Variants in KAT2B observed in about 807,000 individuals in gnomAD.
The protein encoded by KAT2B is lysine acetyltransferase 2B.
In KAT2B, 36 loss-of-function variants were observed where a neutral mutation model predicts 105.9. The ratio of observed to expected loss-of-function variants is 0.34; its 90% CI spans 0.26 to 0.45. The LOEUF (loss-of-function observed/expected upper bound fraction) is 0.45, where lower values mean the gene tolerates loss of function less well. KAT2B is among the 20% of genes least tolerant of loss of function. The probability of loss-of-function intolerance (pLI) is 1.00; values close to 1 mark genes in which losing one functional copy is unlikely to be tolerated. For synonymous variants in KAT2B, 397 were observed against 377.9 expected, an observed-to-expected ratio of 1.05 and a Z score of -0.59; for missense variants, 820 against 1,021.6, an observed-to-expected ratio of 0.80 and a Z score of 2.69.
chr3:20,097,320 C>T (rs1004834418), intron 3 of KAT2B, among the ~76,000 whole-genome samples: 2 of 152,178 alleles, frequency 1.3e-5, no homozygotes, highest in African/African-American at 4.8e-5. Flanking sequence ...CATTGCTCTG[C>T]TTTAAAGTAC....
intron 3 of KAT2B, among the ~76,000 whole-genome samples, chr3:20,099,280 G>A (rs1698866375): frequency 6.6e-6 from 1 of 152,192 alleles, no homozygotes; most frequent in Non-Finnish European, 1.5e-5. Flanking sequence ...AACAGTGAAA[G>A]TTGCCCATTT....
chr3:20,111,602 G>T lies in KAT2B; in HGVS notation c.858G>T (p.Leu286=), dbSNP rs564191256. The T allele has an allele frequency of 1.2e-6, 2 of 1,609,084 alleles. No homozygotes were observed. The highest frequency in any genetic ancestry group is 8.5e-7 in the Non-Finnish European group (1 of 1,177,662). ...TTGACTTCTCTTGTCACAGGTGGCT[G>T]TGTTACTGCAACGTGCCACAGTTCT... is the stretch of plus-strand genomic sequence containing the variant. ...SGYKENYTRW[L]CYCNVPQFCD... is the part of the protein sequence containing the mutation. Residue 286 remains leucine, a synonymous_variant, in exon 6 of 18, where the codon CTG becomes CTT. Transcript: ENST00000263754.
Position 20,153,613 on chromosome 3 carries a change from C to G in KAT2B, c.*1088C>G, listed in dbSNP as rs1261875199. ...AACCCCCTAAAATCCATCATGCAACCTTATTAATCTGTCTTGGGATTCCAG... is the reference window on the plus strand; with the variant it reads ...AACCCCCTAAAATCCATCATGCAACGTTATTAATCTGTCTTGGGATTCCAG... On this transcript the variant is annotated 3_prime_UTR_variant, in exon 18 of 18. Transcript: ENST00000263754. 1 of 152,516 alleles carries G rather than the reference C, an allele frequency of 6.6e-6. No individual in the cohort carries two copies. The highest frequency in any genetic ancestry group is 1.9e-4 in the East Asian group (1 of 5,200). The allele number at this position is 152,516 out of a possible 1,614,324, so 9.4% of individuals were successfully genotyped here. A position where few individuals can be genotyped will look rare whatever the true frequency, so the allele number is the denominator to read the frequency against.
intron 7 of KAT2B, among the ~76,000 whole-genome samples, chr3:20,117,274 T>C (rs145700702): frequency 2.0e-5 from 3 of 152,328 alleles, no homozygotes; most frequent in East Asian, 3.9e-4. Context: ...GTGTACACTT[T>C]AGTATTACCT....
rs145379527 is a variant in KAT2B at position 20,105,849 on chromosome 3, A to G, written c.851+4381A>G. On this transcript the variant is annotated intron_variant, in intron 5 of 17. Coordinates refer to ENST00000263754, the MANE Select transcript of KAT2B (RefSeq NM_003884.5). ...AGAAGAAGAAAAAGAATACATAGCA[A>G]GTTAGCTAGAACTAACTTGTTTTTG... Among the ~76,000 whole-genome samples the G allele has an allele frequency of 7.8e-4, 118 of 152,160 alleles. 2 individuals are homozygous for G. In the East Asian group the frequency reaches 0.02, roughly 26 times the overall value.
At chr3:20,131,798 A>C (rs1699515364) in intron 11 of KAT2B, among the ~76,000 whole-genome samples, 1 of 152,024 alleles carries the variant, frequency 6.6e-6, no homozygotes, top group Non-Finnish European at 1.5e-5. Context: ...TCCTGGTCTC[A>C]AGAGATCCTC....
chr3:20,139,785 GT>G (rs1434044371), intron 12 of KAT2B, among the ~76,000 whole-genome samples: 1 of 142,652 alleles, frequency 7.0e-6, no homozygotes, highest in Non-Finnish European at 1.5e-5. Context: ...GAAACATTAA[GT>G]TTCTAATCAC....
intron 1 of KAT2B, among the ~76,000 whole-genome samples, chr3:20,051,664 C>T (rs1263773361): frequency 6.6e-6 from 1 of 152,180 alleles, no homozygotes; most frequent in Non-Finnish European, 1.5e-5. Flanking sequence ...CCATTAAATG[C>T]CACCCTCTCC....
chr3:20,125,843 C>G, intron 9 of KAT2B, 62 bp from the exon 10 acceptor site: 1 of 1,335,304 alleles, frequency 7.5e-7, no homozygotes, highest in Non-Finnish European at 1.1e-6. Flanking sequence ...TTGGATGTGT[C>G]CCATCCCCAC....
chr3:20,129,736 C>T (rs1395420822), intron 11 of KAT2B, among the ~76,000 whole-genome samples: 1 of 152,166 alleles, frequency 6.6e-6, no homozygotes, highest in Non-Finnish European at 1.5e-5. Context: ...TCAATTTAGA[C>T]AAGCTGCCTT....
At chr3:20,105,152 C>G (rs1273495513) in intron 5 of KAT2B, among the ~76,000 whole-genome samples, 1 of 152,156 alleles carries the variant, frequency 6.6e-6, no homozygotes, top group African/African-American at 2.4e-5. Context: ...TCCTAAAGTG[C>G]TGGGATTAAA....
chr3:20,136,918 G>C (rs561052033), intron 11 of KAT2B, 24 bp from the exon 12 acceptor site: 2 of 1,313,662 alleles, frequency 1.5e-6, no homozygotes, highest in African/African-American at 2.9e-5. Flanking sequence ...TAATGTATTT[G>C]TTTGTATACT....
At chr3:20,067,296 C>T (rs902037264) in intron 1 of KAT2B, among the ~76,000 whole-genome samples, 1 of 152,032 alleles carries the variant, frequency 6.6e-6, no homozygotes, top group African/African-American at 2.4e-5. Context: ...CAAGTGGTTT[C>T]AACACGTGCG....
At chr3:20,047,311 A>G (rs1474034325) in intron 1 of KAT2B, among the ~76,000 whole-genome samples, 1 of 152,148 alleles carries the variant, frequency 6.6e-6, no homozygotes, top group East Asian at 1.9e-4. Flanking sequence ...GGCTCAAGCA[A>G]TTGGCCTGCC....
chr3:20,113,836 G>T (rs1699161383), intron 6 of KAT2B, among the ~76,000 whole-genome samples: 1 of 151,430 alleles, frequency 6.6e-6, no homozygotes. Context: ...GCTTTAATGT[G>T]TGCCTCTTTC....
Position 20,151,044 on chromosome 3 carries a change from T to C in KAT2B, c.2306-1288T>C, listed in dbSNP as rs566064698. ...TTTTTCTTCTTTAAATGAGAGAACA[T>C]TTTGATCTGTTCAGTCACACTTGGA... On this transcript the variant is annotated intron_variant, in intron 17 of 17. Coordinates refer to ENST00000263754, the MANE Select transcript of KAT2B (RefSeq NM_003884.5). Among the ~76,000 whole-genome samples, 17 of 152,328 alleles carry C rather than the reference T, an allele frequency of 1.1e-4. No homozygotes were observed. In the East Asian group the frequency reaches 2.9e-3, roughly 26 times the overall value.
In KAT2B at chr3:20,095,227, G is replaced by A. The variant is rs369566336; in HGVS notation, c.431-36G>A. Reference sequence around the variant, plus strand: ...AATGGGGAATGTTTGGTTTCCAATTGAGGTCTTACATATGTTTCTTTGATC... The same window carrying A: ...AATGGGGAATGTTTGGTTTCCAATTAAGGTCTTACATATGTTTCTTTGATC... On this transcript the variant is annotated intron_variant, in intron 2 of 17. Transcript: ENST00000263754. 1.6e-4 allele frequency: 258 copies of A among 1,572,782 alleles called. 2 individuals carry two copies. In the South Asian group the frequency reaches 2.7e-3, roughly 17 times the overall value.
At position 20,111,632 on chromosome 3, in the gene KAT2B, C is replaced by T. The variant is rs1699122257; in HGVS notation, c.888C>T (p.Asp296=). 1.2e-6 allele frequency: 2 copies of T among 1,613,496 alleles called. No individual in the cohort carries two copies. The highest frequency in any genetic ancestry group is 2.2e-5 in the East Asian group (1 of 44,870). The part of the protein sequence containing the change: ...LCYCNVPQFC[D]SLPRYETTQV... ...ACTGCAACGTGCCACAGTTCTGCGA[C>T]AGTCTACCTCGGTACGAAACCACAC... The change falls in exon 6 of 18, where the codon GAC becomes GAT. Residue 296 remains aspartate, a synonymous_variant. Coordinates refer to ENST00000263754, the MANE Select transcript of KAT2B (RefSeq NM_003884.5).
chr3:20,079,110 A>G (rs1698473380), intron 2 of KAT2B, among the ~76,000 whole-genome samples: 1 of 150,464 alleles, frequency 6.6e-6, no homozygotes, highest in South Asian at 2.1e-4. Context: ...CAAGTTAGCC[A>G]CGCTGGTCTC....
Sources: allele counts gnomAD v4.1 joint callset (sites outside exome capture counted in the v4.1 genomes callset), GRCh38; gene constraint gnomAD v4.1.1; transcripts MANE v1.5; gene names NCBI Gene and HGNC (gene_info 2026-07-23, HGNC 2026-07-21).